BOC: variants seen among roughly 807,000 people sequenced by gnomAD.
BOC encodes the protein BOC cell adhesion associated, oncogene regulated.
In BOC, 76 loss-of-function variants were observed where a neutral mutation model predicts 112.0. The ratio of observed to expected loss-of-function variants is 0.68; its 90% CI spans 0.56 to 0.82. The LOEUF (loss-of-function observed/expected upper bound fraction) is 0.82. Among genes scored for constraint, BOC ranks in the 40% least tolerant of loss-of-function variants. BOC has a pLI of 0.00. For synonymous variants in BOC, 580 were observed against 599.8 expected (o/e 0.97, Z 0.48); for missense variants, 1,309 against 1,511.7 (o/e 0.87, Z 2.22).
chr3:113,234,648 C>G (rs1439150777), intron 2 of BOC, among the ~76,000 whole-genome samples: 1 of 152,186 alleles, frequency 6.6e-6, no homozygotes, highest in Non-Finnish European at 1.5e-5. Context: ...TGTGTGGCAC[C>G]TAGAGGGTGC....
At chr3:113,249,541 A>C (rs1945348275) in intron 2 of BOC, among the ~76,000 whole-genome samples, 181 bp from the exon 3 acceptor site, 1 of 152,204 alleles carries the variant, frequency 6.6e-6, no homozygotes. Context: ...ACTTATAAGA[A>C]GCTTCTTTTA....
intron 8 of BOC, among the ~76,000 whole-genome samples, chr3:113,273,778 A>G (rs1948388006): frequency 6.6e-6 from 1 of 152,212 alleles, no homozygotes; most frequent in Admixed American, 6.5e-5. Flanking sequence ...AGAAAAATAC[A>G]GCAATGAATA....
chr3:113,276,165 C>G (rs1559877428), intron 9 of BOC, among the ~76,000 whole-genome samples: 1 of 152,194 alleles, frequency 6.6e-6, no homozygotes, highest in Admixed American at 6.5e-5. Flanking sequence ...CCCATGGTTC[C>G]CAGGAGACAA....
At chr3:113,285,076 C>T (rs1022132145) in intron 18 of BOC, among the ~76,000 whole-genome samples, 4 of 152,266 alleles carry the variant, frequency 2.6e-5, no homozygotes, top group African/African-American at 9.6e-5. Context: ...CTTGGCATCT[C>T]GGAATCCTCC....
chr3:113,265,176 C>T (rs779319935), intron 4 of BOC, among the ~76,000 whole-genome samples: 8 of 152,194 alleles, frequency 5.3e-5, no homozygotes, highest in Non-Finnish European at 7.3e-5. Context: ...ATGCTCCCTC[C>T]GTGCCTGGAT....
intron 1 of BOC, among the ~76,000 whole-genome samples, chr3:113,215,678 A>G (rs1490426330): frequency 1.3e-5 from 2 of 152,208 alleles, no homozygotes; most frequent in South Asian, 2.1e-4. Flanking sequence ...ACCCAGCTTT[A>G]AAACAACCTA....
intron 2 of BOC, among the ~76,000 whole-genome samples, chr3:113,222,797 G>A (rs931788784): frequency 1.3e-5 from 2 of 152,210 alleles, no homozygotes; most frequent in Admixed American, 6.5e-5. Flanking sequence ...CATCCACTTT[G>A]CCGCCCTCCT....
At chr3:113,263,036 G>T (rs1449504385) in intron 4 of BOC, among the ~76,000 whole-genome samples, 1 of 152,236 alleles carries the variant, frequency 6.6e-6, no homozygotes. Flanking sequence ...AGGACCAAAG[G>T]ATCAGCATGC....
chr3:113,268,100 C>T (rs982047575), intron 4 of BOC, among the ~76,000 whole-genome samples, 199 bp from the exon 5 acceptor site: 14 of 152,166 alleles, frequency 9.2e-5, no homozygotes, highest in Admixed American at 5.2e-4. Flanking sequence ...CAAAGTGAAC[C>T]CCATCAGTGA....
chr3:113,283,473 C>T lies in BOC; in HGVS notation c.2497C>T (p.Pro833Ser). 1.9e-6 allele frequency: 3 copies of T among 1,614,084 alleles called. No individual in the cohort carries two copies. The highest frequency in any genetic ancestry group is 2.5e-6 in the Non-Finnish European group (3 of 1,179,954). ...PPPTLAPPQP[P>S]LPETIERPVG... Reference sequence around the variant, plus strand: ...CCCAACTCTGGCCCCACCACAGCCGCCCCTTCCTGAAACCATAGAGCGGCC... The same window carrying T: ...CCCAACTCTGGCCCCACCACAGCCGTCCCTTCCTGAAACCATAGAGCGGCC... Residue 833 changes from proline to serine, a missense_variant, in exon 16 of 20, where the codon CCC becomes TCC. Physicochemically the swap from Pro to Ser is moderately conservative, Grantham distance 74. Transcript: ENST00000682979.
chr3:113,259,173 G>C (rs768299671), intron 4 of BOC, among the ~76,000 whole-genome samples: 37 of 152,112 alleles, frequency 2.4e-4, no homozygotes, highest in Admixed American at 7.9e-4. Flanking sequence ...TTTATCAGAG[G>C]TCACTATTTA....
At chr3:113,214,949 A>G (rs556443465) in intron 1 of BOC, among the ~76,000 whole-genome samples, 258 of 152,254 alleles carry the variant, frequency 1.7e-3, no homozygotes, top group Admixed American at 2.7e-3. Context: ...ATTATCCACA[A>G]TCCTATGGAC....
At chr3:113,214,381 C>T (rs1938909211) in intron 1 of BOC, among the ~76,000 whole-genome samples, 1 of 152,074 alleles carries the variant, frequency 6.6e-6, no homozygotes, top group Non-Finnish European at 1.5e-5. Flanking sequence ...TCACATGGAC[C>T]CCCCACGGTT....
chr3:113,267,856 G>C (rs754502875), intron 4 of BOC, among the ~76,000 whole-genome samples: 1 of 152,170 alleles, frequency 6.6e-6, no homozygotes, highest in African/African-American at 2.4e-5. Flanking sequence ...GCCTCCGAAG[G>C]CTGTTCTCAA....
chr3:113,217,823 C>T lies in BOC; in HGVS notation c.-82+1549C>T, dbSNP rs146132568. Among the ~76,000 whole-genome samples the T allele has an allele frequency of 3.2e-4, 48 of 152,186 alleles. 1 individual carries two copies. The East Asian group carries it at 8.9e-3, about 28-fold the overall frequency. On this transcript the variant is annotated intron_variant, in intron 2 of 19. Transcript: ENST00000682979. ...GGTATCAGCATTAACTGTGCAAAAA[C>T]GCAGAAATCTGGGTCTTAAGTTCCT...
At chr3:113,244,530 C>G (rs909044481) in intron 2 of BOC, among the ~76,000 whole-genome samples, 1 of 152,190 alleles carries the variant, frequency 6.6e-6, no homozygotes, top group African/African-American at 2.4e-5. Context: ...TCTAATGTGG[C>G]AACCACTAGC....
chr3:113,239,299 C>G (rs111977940), intron 2 of BOC, among the ~76,000 whole-genome samples: 34 of 152,088 alleles, frequency 2.2e-4, no homozygotes, highest in African/African-American at 7.0e-4. Flanking sequence ...GAGGTAGAGT[C>G]CATACAACTG....
At chr3:113,244,092 C>T (rs1369259981) in intron 2 of BOC, among the ~76,000 whole-genome samples, 1 of 152,198 alleles carries the variant, frequency 6.6e-6, no homozygotes, top group Non-Finnish European at 1.5e-5. Flanking sequence ...TTCACTTACA[C>T]ATGTTCATTG....
Position 113,283,424 on chromosome 3 carries a change from T to A in BOC, c.2448T>A (p.Ser816=). ...CCACAATTACAGCTCGGAAGTCTTC[T>A]GGCCAGCCTGGTCGACTGCCACCCC... ...MICETKARKS[S]GQPGRLPPPT... is the part of the protein sequence containing the mutation. The change falls in exon 16 of 20, where the codon TCT becomes TCA. Residue 816 remains serine, a synonymous_variant. Transcript: ENST00000682979. 6.2e-7 allele frequency: 1 copy of A among 1,602,812 alleles called. No individual in the cohort carries two copies. Among genetic ancestry groups the A allele is most frequent in the Non-Finnish European group, 8.5e-7 (1 of 1,170,970 alleles).
Sources: allele counts gnomAD v4.1 joint callset (sites outside exome capture counted in the v4.1 genomes callset), GRCh38; gene constraint gnomAD v4.1.1; transcripts MANE v1.5; gene names NCBI Gene and HGNC (gene_info 2026-07-23, HGNC 2026-07-21).